The following ZNF609 variants were observed in gnomAD, a reference collection of about 807,000 sequenced individuals.
The protein encoded by ZNF609 is zinc finger protein 609.
In ZNF609, 11 loss-of-function variants were observed where a neutral mutation model predicts 109.5. The ratio of observed to expected loss-of-function variants is 0.10; its 90% CI spans 0.06 to 0.17. The LOEUF is 0.17. Ranked by LOEUF, ZNF609 falls within the 10% of genes least tolerant of loss-of-function variation. The pLI is 1.00. For synonymous variants in ZNF609, 646 were observed against 662.0 expected (o/e 0.98, Z 0.37); for missense variants, 1,559 against 1,772.4 (o/e 0.88, Z 2.16).
chr15:64,505,005 TA>T (rs1009619799), intron 2 of ZNF609, among the ~76,000 whole-genome samples: 3 of 152,204 alleles, frequency 2.0e-5, no homozygotes, highest in African/African-American at 7.2e-5. Flanking sequence ...TGAAAATGCT[TA>T]CATACTCCAA....
chr15:64,576,281 T>A (rs72742928), intron 2 of ZNF609, among the ~76,000 whole-genome samples: 7,330 of 152,264 alleles, frequency 0.048, 237 homozygotes, highest in South Asian at 0.086. Flanking sequence ...TTAATAATAA[T>A]CTTTTATTCA....
intron 3 of ZNF609, among the ~76,000 whole-genome samples, chr15:64,630,790 C>G (rs965901468): frequency 1.3e-5 from 2 of 150,890 alleles, no homozygotes; most frequent in African/African-American, 5.0e-5. Flanking sequence ...CTTTTGTTTT[C>G]TTTTTTGTTT....
intron 3 of ZNF609, among the ~76,000 whole-genome samples, chr15:64,659,230 G>A (rs1045686545): frequency 1.3e-5 from 2 of 152,102 alleles, no homozygotes; most frequent in Non-Finnish European, 2.9e-5. Flanking sequence ...GTTTTTTATT[G>A]GACATTTACC....
At chr15:64,588,447 AG>A (rs1384768342) in intron 2 of ZNF609, among the ~76,000 whole-genome samples, 2 of 147,326 alleles carry the variant, frequency 1.4e-5, no homozygotes, top group Non-Finnish European at 3.0e-5. Flanking sequence ...AAAAAAAAGA[AG>A]AGGAAGACTG....
intron 1 of ZNF609, among the ~76,000 whole-genome samples, chr15:64,469,777 C>G (rs1302243609): frequency 1.3e-5 from 2 of 152,172 alleles, no homozygotes; most frequent in East Asian, 3.9e-4. Context: ...GCCTGTAATC[C>G]TAGCACTTTG....
chr15:64,653,420 G>C (rs1312427740), intron 3 of ZNF609, among the ~76,000 whole-genome samples: 3 of 152,130 alleles, frequency 2.0e-5, no homozygotes, highest in African/African-American at 7.2e-5. Context: ...CGAGGTGGGC[G>C]GATTGCCTGA....
intron 3 of ZNF609, among the ~76,000 whole-genome samples, chr15:64,648,877 G>A (rs1051830016): frequency 1.3e-5 from 2 of 152,026 alleles, no homozygotes; most frequent in Non-Finnish European, 2.9e-5. Context: ...GATTATATTG[G>A]AGTCTGAATC....
chr15:64,542,741 A>G (rs1176415264), intron 2 of ZNF609, among the ~76,000 whole-genome samples: 3 of 152,148 alleles, frequency 2.0e-5, no homozygotes, highest in African/African-American at 7.2e-5. Flanking sequence ...TCTTTTTAAC[A>G]ATATCCACCC....
chr15:64,677,144 A>G (rs564273544), intron 5 of ZNF609, among the ~76,000 whole-genome samples: 1 of 151,346 alleles, frequency 6.6e-6, no homozygotes, highest in South Asian at 2.1e-4. Flanking sequence ...GCTCACTGCA[A>G]TTTCCAACTC....
chr15:64,538,898 G>A (rs1299549226), intron 2 of ZNF609, among the ~76,000 whole-genome samples: 1 of 152,074 alleles, frequency 6.6e-6, no homozygotes, highest in Non-Finnish European at 1.5e-5. Flanking sequence ...GCAGTGGTGT[G>A]ATCATAGTTC....
chr15:64,568,872 T>C (rs1894819633), intron 2 of ZNF609, among the ~76,000 whole-genome samples: 1 of 152,234 alleles, frequency 6.6e-6, no homozygotes. Flanking sequence ...CTAGCTTTGC[T>C]GAGAACAATT....
chr15:64,460,110 T>A (rs7174342), upstream of ZNF609, among the ~76,000 whole-genome samples: 3,142 of 151,892 alleles, frequency 0.021, 46 homozygotes, highest in Middle Eastern at 0.051. Flanking sequence ...AACTAAGGGG[T>A]AAAATGGATG....
At position 64,572,971 on chromosome 15, in the gene ZNF609, C is replaced by T. The variant is rs904246734; in HGVS notation, c.748-49856C>T. On this transcript the variant is annotated intron_variant, in intron 2 of 9. Transcript: ENST00000326648. ...GTGGCTCCACGCGGGACACGTAGTT[C>T]GGCTAGAAAAGCATGGACCTAGATT... Among the ~76,000 whole-genome samples the T allele has an allele frequency of 3.3e-5, 5 of 152,174 alleles. No individual in the cohort carries two copies. The South Asian group carries it at 1.0e-3, about 32-fold the overall frequency.
chr15:64,603,012 T>C (rs904530375), intron 2 of ZNF609, among the ~76,000 whole-genome samples: 13 of 150,804 alleles, frequency 8.6e-5, no homozygotes, highest in African/African-American at 3.2e-4. Flanking sequence ...CCCAAAGTGC[T>C]GGGATTACAG....
intron 3 of ZNF609, among the ~76,000 whole-genome samples, chr15:64,641,234 T>TTTTTTTTG (rs758413589): frequency 1.4e-5 from 2 of 140,768 alleles, no homozygotes; most frequent in African/African-American, 2.6e-5. Flanking sequence ...TTTTTTTTTT[T>TTTTTTTTG]GAGATGGAGT....
intron 2 of ZNF609, among the ~76,000 whole-genome samples, chr15:64,601,600 G>A (rs1444208731): frequency 6.6e-6 from 1 of 152,166 alleles, no homozygotes; most frequent in African/African-American, 2.4e-5. Flanking sequence ...GTCTGACATA[G>A]CACCTTGAGT....
At chr15:64,543,254 G>GCTTTTTTTTTTTTTTTTTTT (rs1894298168) in intron 2 of ZNF609, among the ~76,000 whole-genome samples, 1 of 113,878 alleles carries the variant, frequency 8.8e-6, no homozygotes, top group Non-Finnish European at 1.8e-5. Flanking sequence ...TTTTGTTGTT[G>GCTTTTTTTTTTTTTTTTTTT]CTTTTTTTTT....
intron 2 of ZNF609, among the ~76,000 whole-genome samples, chr15:64,515,217 T>C (rs1893788878): frequency 6.6e-6 from 1 of 152,134 alleles, no homozygotes; most frequent in Non-Finnish European, 1.5e-5. Flanking sequence ...GTTTTACCCA[T>C]AGTTCAAAAT....
intron 2 of ZNF609, chr15:64,529,574 T>G: frequency 7.3e-7 from 1 of 1,366,714 alleles, no homozygotes; most frequent in Non-Finnish European, 1.0e-6. Context: ...GGGTCATTGA[T>G]GGCAACAATA....
Sources: allele counts gnomAD v4.1 joint callset (sites outside exome capture counted in the v4.1 genomes callset), GRCh38; gene constraint gnomAD v4.1.1; transcripts MANE v1.5; gene names NCBI Gene and HGNC (gene_info 2026-07-23, HGNC 2026-07-21).